LANCL3: variants seen among roughly 807,000 people sequenced by gnomAD.
LANCL3 encodes LanC like family member 3.
A neutral mutation model predicts 26.5 loss-of-function variants in LANCL3; 19 were observed. That is an observed-to-expected ratio of 0.72 (90% CI 0.50 to 1.05). The LOEUF is 1.05. Ranked by LOEUF, LANCL3 falls within the 50% of genes least tolerant of loss-of-function variation. LANCL3 has a pLI of 0.00. For synonymous variants in LANCL3, 160 were observed against 166.6 expected (o/e 0.96, Z 0.30); for missense variants, 318 against 362.7 (o/e 0.88, Z 1.00).
Position 37,679,393 on chromosome X carries a change from G to A in LANCL3, c.*3580G>A, listed in dbSNP as rs1361497149. 1 of 111,369 alleles carries A rather than the reference G, an allele frequency of 9.0e-6. No individual in the cohort carries two copies. The highest frequency in any genetic ancestry group is 3.3e-5 in the African/African-American group (1 of 30,627). 9.2% of individuals were successfully genotyped at this position (111,369 alleles called of 1,213,427 possible). A position where few individuals can be genotyped will look rare whatever the true frequency, so the allele number is the denominator to read the frequency against. On this transcript the variant is annotated 3_prime_UTR_variant, in exon 5 of 5. Coordinates refer to ENST00000378619, the MANE Select transcript of LANCL3 (RefSeq NM_001170331.2). ...CTGAGCACAGCACTTTGCCTCAGAA[G>A]GTTCTGATTCACCAAGACTTACTAC...
rs781938168 is a variant in LANCL3 at position 37,681,462 on chromosome X, G to A, written c.*5649G>A. Reference sequence around the variant, plus strand: ...TGATAAAGTCTTCCTACCTTCCTTCGTTGTTATGGGAGAAAATGTAAACAG... The same window carrying A: ...TGATAAAGTCTTCCTACCTTCCTTCATTGTTATGGGAGAAAATGTAAACAG... On this transcript the variant is annotated 3_prime_UTR_variant, in exon 5 of 5. Coordinates refer to ENST00000378619, the MANE Select transcript of LANCL3 (RefSeq NM_001170331.2). 9.0e-6 allele frequency: 1 copy of A among 111,532 alleles called. No individual in the cohort carries two copies. Among genetic ancestry groups the A allele is most frequent in the African/African-American group, 3.3e-5 (1 of 30,630 alleles). 9.2% of individuals were successfully genotyped at this position (111,532 alleles called of 1,213,427 possible). A position where few individuals can be genotyped will look rare whatever the true frequency, so the allele number is the denominator to read the frequency against.
chrX:37,619,830 G>A (rs181994557), intron 1 of LANCL3, among the ~76,000 whole-genome samples: 33 of 111,783 alleles, frequency 3.0e-4, no homozygotes, highest in Non-Finnish European at 5.8e-4. Context: ...GAAAACAGCT[G>A]CGCAGAGCCT....
At chrX:37,616,130 G>GAATC (rs1251313961) in intron 1 of LANCL3, among the ~76,000 whole-genome samples, 1 of 110,932 alleles carries the variant, frequency 9.0e-6, no homozygotes, top group Non-Finnish European at 1.9e-5. Context: ...ATCAAAACAA[G>GAATC]AATCAAATTT....
At chrX:37,573,331 C>A (rs28612183) in intron 1 of LANCL3, among the ~76,000 whole-genome samples, 1 of 111,982 alleles carries the variant, frequency 8.9e-6, no homozygotes, top group African/African-American at 3.3e-5. Context: ...TTCATAATCC[C>A]CTGGAGCCAA....
intron 1 of LANCL3, among the ~76,000 whole-genome samples, chrX:37,585,194 C>G (rs1247219065): frequency 2.7e-5 from 3 of 111,605 alleles, no homozygotes; most frequent in Non-Finnish European, 5.6e-5. Context: ...TTTACATTTG[C>G]TGAGGAGTGC....
At chrX:37,667,198 C>A in intron 3 of LANCL3, 84 bp from the exon 4 acceptor site, 1 of 552,537 alleles carries the variant, frequency 1.8e-6, no homozygotes, top group Non-Finnish European at 2.7e-6. Flanking sequence ...TCAGGTGATT[C>A]ATGAGCTTTT....
At chrX:37,633,334 A>T (rs1556424926) in intron 1 of LANCL3, among the ~76,000 whole-genome samples, 1 of 110,147 alleles carries the variant, frequency 9.1e-6, no homozygotes, top group African/African-American at 3.3e-5. Flanking sequence ...ATTCGTCTAA[A>T]TTTTTTTCAA....
rs185325650 is a variant in LANCL3, at chrX:37,624,756, C to G, written c.574-30932C>G. Among the ~76,000 whole-genome samples, 62 of 111,610 alleles carry G rather than the reference C, an allele frequency of 5.6e-4. 1 individual carries two copies. The highest frequency in any genetic ancestry group is 5.3e-3 in the Admixed American group (56 of 10,481). On this transcript the variant is annotated intron_variant, in intron 1 of 4. Transcript: ENST00000378619. ...CTTCTTATCTGCCTCCTCTAAGAAG[C>G]TTCTCTGACCTGACGTTCTGAGGAA...
intron 1 of LANCL3, among the ~76,000 whole-genome samples, chrX:37,575,229 G>C (rs1472682339): frequency 9.0e-6 from 1 of 111,003 alleles, no homozygotes; most frequent in Non-Finnish European, 1.9e-5. Context: ...GCCTGGCCTT[G>C]TATAGGTCTT....
chrX:37,628,896 T>C (rs1226906809), intron 1 of LANCL3, among the ~76,000 whole-genome samples: 5 of 108,017 alleles, frequency 4.6e-5, no homozygotes, highest in Admixed American at 1.0e-4. Flanking sequence ...TGAATAGTGC[T>C]GCAATAAACA....
At chrX:37,624,798 C>T (rs782473406) in intron 1 of LANCL3, among the ~76,000 whole-genome samples, 5 of 111,717 alleles carry the variant, frequency 4.5e-5, no homozygotes, top group African/African-American at 6.5e-5. Flanking sequence ...GTCATACCAC[C>T]GTTTACTGAA....
At chrX:37,615,121 G>C (rs1271841846) in intron 1 of LANCL3, among the ~76,000 whole-genome samples, 5 of 112,019 alleles carry the variant, frequency 4.5e-5, no homozygotes, top group Non-Finnish European at 9.4e-5. Context: ...TGTAGAGCTA[G>C]GATTCACGCA....
At chrX:37,584,914 G>C (rs1924016218) in intron 1 of LANCL3, among the ~76,000 whole-genome samples, 2 of 111,601 alleles carry the variant, frequency 1.8e-5, no homozygotes, top group Non-Finnish European at 3.8e-5. Flanking sequence ...GATCTTTCCT[G>C]CTTTCTCTTG....
At chrX:37,667,004 C>A (rs999243799) in intron 3 of LANCL3, among the ~76,000 whole-genome samples, 1 of 111,697 alleles carries the variant, frequency 9.0e-6, no homozygotes, top group Non-Finnish European at 1.9e-5. Context: ...CTCTTTCTCC[C>A]GGGGCCAACC....
chrX:37,667,941 T>G (rs182202758), intron 4 of LANCL3, among the ~76,000 whole-genome samples: 3 of 110,403 alleles, frequency 2.7e-5, no homozygotes, highest in Non-Finnish European at 5.7e-5. Flanking sequence ...TGGGAGCAAA[T>G]AGAGTGAGAG....
At chrX:37,659,930 A>C (rs1035345742) in intron 3 of LANCL3, among the ~76,000 whole-genome samples, 8 of 111,814 alleles carry the variant, frequency 7.2e-5, no homozygotes, top group Non-Finnish European at 1.5e-4. Context: ...CCACATATGT[A>C]ATTTTCATTT....
At position 37,682,091 on chromosome X, in the gene LANCL3, ATTTTTATT is replaced by A. The variant is rs1556438764; in HGVS notation, c.*6292_*6299del. 1 of 109,486 alleles carries A rather than the reference ATTTTTATT, an allele frequency of 9.1e-6. No homozygotes were observed. The highest frequency in any genetic ancestry group is 1.9e-5 in the Non-Finnish European group (1 of 52,432). 9.0% of individuals were successfully genotyped at this position (109,486 alleles called of 1,213,427 possible). On this transcript the variant is annotated 3_prime_UTR_variant, in exon 5 of 5. Coordinates refer to ENST00000378619, the MANE Select transcript of LANCL3 (RefSeq NM_001170331.2). Reference sequence around the variant, plus strand: ...CAATTCTTGCTGATGTTTTATTTTTATTTTTATTTTTTTATTTTTTTTTTTTTTTGAGA... The same window carrying A: ...CAATTCTTGCTGATGTTTTATTTTTATTTTTATTTTTTTTTTTTTTTGAGA...
In LANCL3 at chrX:37,678,863, CTTATTTCT is replaced by C. The variant is rs1275013042; in HGVS notation, c.*3054_*3061del. Reference sequence around the variant, plus strand: ...TAAATTGCATCTCTTCCAGTGGCAGCTTATTTCTTTAACTTTTTTGACATATTAAGATT... The same window carrying C: ...TAAATTGCATCTCTTCCAGTGGCAGCTTAACTTTTTTGACATATTAAGATT... On this transcript the variant is annotated 3_prime_UTR_variant, in exon 5 of 5. Transcript: ENST00000378619. 8.9e-6 allele frequency: 1 copy of C among 111,992 alleles called. No homozygotes were observed. The highest frequency in any genetic ancestry group is 1.9e-5 in the Non-Finnish European group (1 of 53,143). The allele number at this position is 111,992 out of a possible 1,213,427, so 9.2% of individuals were successfully genotyped here.
intron 1 of LANCL3, among the ~76,000 whole-genome samples, chrX:37,623,032 T>C (rs183707982): frequency 0.013 from 1,449 of 112,343 alleles, 5 homozygotes; most frequent in Non-Finnish European, 0.022. Context: ...AGGCAGTTTT[T>C]CTACATTGAG....
Sources: allele counts gnomAD v4.1 joint callset (sites outside exome capture counted in the v4.1 genomes callset), GRCh38; gene constraint gnomAD v4.1.1; transcripts MANE v1.5; gene names NCBI Gene and HGNC (gene_info 2026-07-23, HGNC 2026-07-21).